Variants in DLGAP1 observed in about 807,000 individuals in gnomAD.
DLGAP1 encodes the protein DLG associated protein 1, also known as disks large-associated protein 1.
Under a neutral mutation model 90.8 loss-of-function variants are expected in DLGAP1, and 11 were observed. That is an observed-to-expected ratio of 0.12 (90% CI 0.08 to 0.20). DLGAP1 has a LOEUF of 0.20. Ranked by LOEUF, DLGAP1 falls within the 10% of genes least tolerant of loss-of-function variation. The probability of loss-of-function intolerance (pLI) is 1.00; values close to 1 mark genes in which losing one functional copy is unlikely to be tolerated. For synonymous variants in DLGAP1, 558 were observed against 540.7 expected (o/e 1.03, Z -0.44); for missense variants, 1,050 against 1,333.8 (o/e 0.79, Z 3.31).
At chr18:3,627,875 C>CTTTTTTT (rs34874244) in intron 7 of DLGAP1, among the ~76,000 whole-genome samples, 2 of 90,112 alleles carry the variant, frequency 2.2e-5, no homozygotes, top group African/African-American at 8.6e-5. Context: ...TCCTTCCTTC[C>CTTTTTTT]TTTTTTTTTT....
chr18:4,450,382 T>C (rs2083790531), intron 1 of DLGAP1, among the ~76,000 whole-genome samples: 1 of 152,170 alleles, frequency 6.6e-6, no homozygotes, highest in Non-Finnish European at 1.5e-5. Context: ...AGTAGTAGAA[T>C]TAAAACAGCA....
chr18:4,302,845 T>C (rs1033499541), intron 1 of DLGAP1, among the ~76,000 whole-genome samples: 3 of 152,232 alleles, frequency 2.0e-5, no homozygotes, highest in Non-Finnish European at 2.9e-5. Flanking sequence ...TTCCAATACA[T>C]GAACACAGTC....
chr18:4,262,446 C>T (rs1218419784), intron 1 of DLGAP1, among the ~76,000 whole-genome samples: 4 of 152,062 alleles, frequency 2.6e-5, no homozygotes, highest in Admixed American at 1.3e-4. Flanking sequence ...GCCCTTGCAC[C>T]GTCAGGAATC....
At position 4,269,642 on chromosome 18, in the gene DLGAP1, C is replaced by T. The variant is rs1007346674; in HGVS notation, c.-266-118355G>A. Among the ~76,000 whole-genome samples the T allele has an allele frequency of 3.3e-5, 5 of 152,068 alleles. No individual in the cohort carries two copies. In the East Asian group the frequency reaches 9.7e-4, roughly 29 times the overall value. On this transcript the variant is annotated intron_variant, in intron 1 of 12. Coordinates refer to ENST00000315677, the MANE Select transcript of DLGAP1 (RefSeq NM_004746.4). ...GTGCTGGCATTACAGGCGTGAGCCA[C>T]CGCGCCCGGCCATATTCTATTATTA... is the stretch of plus-strand genomic sequence containing the variant.
At chr18:3,938,769 T>G (rs1218053425) in intron 3 of DLGAP1, among the ~76,000 whole-genome samples, 1 of 151,948 alleles carries the variant, frequency 6.6e-6, no homozygotes, top group Non-Finnish European at 1.5e-5. Flanking sequence ...TGGGCCATGG[T>G]GGGGACTTCA....
At chr18:3,919,785 A>C (rs938347864) in intron 3 of DLGAP1, among the ~76,000 whole-genome samples, 1 of 152,228 alleles carries the variant, frequency 6.6e-6, no homozygotes, top group Non-Finnish European at 1.5e-5. Flanking sequence ...AAGCTCAGTA[A>C]ATGTGGTCCA....
At chr18:4,290,409 T>A (rs1172086822) in intron 1 of DLGAP1, among the ~76,000 whole-genome samples, 1 of 152,140 alleles carries the variant, frequency 6.6e-6, no homozygotes, top group Non-Finnish European at 1.5e-5. Flanking sequence ...CTGTAAAATC[T>A]AACTATCAGC....
intron 4 of DLGAP1, among the ~76,000 whole-genome samples, chr18:3,828,038 T>C (rs1371673999): frequency 1.3e-5 from 2 of 152,230 alleles, no homozygotes; most frequent in Non-Finnish European, 2.9e-5. Context: ...CCTTGGTCTT[T>C]AGTTACCTTT....
At chr18:4,187,435 AGT>A (rs1262961019) in intron 1 of DLGAP1, among the ~76,000 whole-genome samples, 1 of 152,168 alleles carries the variant, frequency 6.6e-6, no homozygotes, top group Non-Finnish European at 1.5e-5. Context: ...TTCTCTTTGA[AGT>A]GTCTTAATAT....
intron 5 of DLGAP1, among the ~76,000 whole-genome samples, chr18:3,777,802 G>A (rs1235922134): frequency 1.3e-5 from 2 of 152,116 alleles, no homozygotes; most frequent in African/African-American, 4.8e-5. Context: ...TGACATAATT[G>A]GACTAATAGG....
At chr18:4,266,763 A>G (rs564754618) in intron 1 of DLGAP1, among the ~76,000 whole-genome samples, 1 of 152,358 alleles carries the variant, frequency 6.6e-6, no homozygotes, top group African/African-American at 2.4e-5. Flanking sequence ...TATGACAACA[A>G]TGATCAAAAA....
In DLGAP1 at chr18:4,328,048, G is replaced by T. The variant is rs1177771671; in HGVS notation, c.-267+126958C>A. Among the ~76,000 whole-genome samples, 1,136 of 151,802 alleles carry T rather than the reference G, an allele frequency of 7.5e-3. 17 individuals are homozygous for T. Among genetic ancestry groups the T allele is most frequent in the African/African-American group, 0.026 (1,076 of 41,446 alleles). On this transcript the variant is annotated intron_variant, in intron 1 of 12. Coordinates refer to ENST00000315677, the MANE Select transcript of DLGAP1 (RefSeq NM_004746.4). ...TACCATCTCTTATCTATTTTCTTAA[G>T]AGCTCATTTATCTTTCCAAAATAAT...
chr18:3,518,641 T>C lies in DLGAP1; in HGVS notation c.2480-9980A>G, dbSNP rs115433701. 4.4e-3 allele frequency among the ~76,000 whole-genome samples: 673 copies of C among 152,290 alleles called. 6 individuals are homozygous for C. Among genetic ancestry groups the C allele is most frequent in the African/African-American group, 0.014 (590 of 41,556 alleles). ...GGGTCAGGAACAATCAGCTCACCAA[T>C]TACCAGCTATTGATCTTGGGAAAGT... On this transcript the variant is annotated intron_variant, in intron 10 of 12. Coordinates refer to ENST00000315677, the MANE Select transcript of DLGAP1 (RefSeq NM_004746.4).
At chr18:3,739,709 C>A (rs867661656) in intron 6 of DLGAP1, among the ~76,000 whole-genome samples, 1 of 151,774 alleles carries the variant, frequency 6.6e-6, no homozygotes, top group African/African-American at 2.4e-5. Context: ...CGCACCAGTG[C>A]GGCACATGTA....
At chr18:4,104,570 A>T (rs1409354196) in intron 2 of DLGAP1, among the ~76,000 whole-genome samples, 1 of 151,836 alleles carries the variant, frequency 6.6e-6, no homozygotes, top group Admixed American at 6.6e-5. Flanking sequence ...AGTATTGTTT[A>T]TTTTTTCATT....
At chr18:4,051,510 G>A (rs1429359405) in intron 2 of DLGAP1, among the ~76,000 whole-genome samples, 1 of 152,182 alleles carries the variant, frequency 6.6e-6, no homozygotes, top group Non-Finnish European at 1.5e-5. Context: ...AGAACAGCAT[G>A]GAGGGTAACC....
intron 1 of DLGAP1, among the ~76,000 whole-genome samples, chr18:4,319,120 C>T (rs545475907): frequency 6.6e-6 from 1 of 152,108 alleles, no homozygotes; most frequent in Non-Finnish European, 1.5e-5. Context: ...TAAATAAATA[C>T]AATTGTTATC....
In DLGAP1 at chr18:3,660,459, C is replaced by A. The variant is rs141098614; in HGVS notation, c.1591+68676G>T. Among the ~76,000 whole-genome samples the A allele has an allele frequency of 1.0e-3, 152 of 152,320 alleles. No individual in the cohort carries two copies. Among genetic ancestry groups the A allele is most frequent in the African/African-American group, 3.6e-3 (150 of 41,578 alleles). On this transcript the variant is annotated intron_variant, in intron 7 of 12. Coordinates refer to ENST00000315677, the MANE Select transcript of DLGAP1 (RefSeq NM_004746.4). The surrounding 1 kb of genome is among the most constrained non-coding windows in gnomAD (Gnocchi z 4.2). ...TCTGTTTTGTTTGCTGCTGTAACTCCTCTGCCCAGAAATTTGTAGCATAGA... is the reference window on the plus strand; with the variant it reads ...TCTGTTTTGTTTGCTGCTGTAACTCATCTGCCCAGAAATTTGTAGCATAGA...
intron 5 of DLGAP1, among the ~76,000 whole-genome samples, chr18:3,769,791 G>A (rs1034947539): frequency 4.0e-5 from 6 of 151,732 alleles, no homozygotes; most frequent in Non-Finnish European, 8.8e-5. Context: ...GACTACCAGT[G>A]TCAATATCCT....
Sources: allele counts gnomAD v4.1 joint callset (sites outside exome capture counted in the v4.1 genomes callset), GRCh38; gene constraint gnomAD v4.1.1; non-coding constraint Gnocchi (gnomAD v3.1); transcripts MANE v1.5; gene names NCBI Gene and HGNC (gene_info 2026-07-23, HGNC 2026-07-21).